The following TBC1D2B variants were observed in gnomAD, a reference collection of about 807,000 sequenced individuals.
TBC1D2B encodes TBC1 domain family member 2B.
Under a neutral mutation model 100.8 loss-of-function variants are expected in TBC1D2B, and 64 were observed. The ratio of observed to expected loss-of-function variants is 0.64; its 90% CI spans 0.52 to 0.78. The LOEUF (loss-of-function observed/expected upper bound fraction) is 0.78. Among genes scored for constraint, TBC1D2B ranks in the 30% least tolerant of loss-of-function variants. The pLI, the probability that TBC1D2B is intolerant of heterozygous loss-of-function variation, is 0.00. For missense variants in TBC1D2B, 1,052 were observed against 1,218.4 expected, an observed-to-expected ratio of 0.86 and a Z score of 2.03; for synonymous variants, 480 against 479.7, an observed-to-expected ratio of 1.00 and a Z score of -0.01.
intron 12 of TBC1D2B, among the ~76,000 whole-genome samples, chr15:78,000,387 AC>A (rs1431283742): frequency 6.6e-6 from 1 of 152,238 alleles, no homozygotes; most frequent in African/African-American, 2.4e-5. Flanking sequence ...CGCTCCCAAC[AC>A]AGCCCTAGCT....
chr15:78,077,158 A>T, intron 1 of TBC1D2B, 135 bp downstream of exon 1: 1 of 1,203,616 alleles, frequency 8.3e-7, no homozygotes, highest in Non-Finnish European at 1.1e-6. Context: ...GGATGTGGAG[A>T]AGCAGGGAAA....
chr15:78,031,383 G>A (rs1282452487), intron 3 of TBC1D2B, among the ~76,000 whole-genome samples: 4 of 151,850 alleles, frequency 2.6e-5, no homozygotes, highest in African/African-American at 9.7e-5. Flanking sequence ...GCGAAACTCT[G>A]TCTCTACTAA....
chr15:78,051,478 C>T (rs1220153722), intron 2 of TBC1D2B, among the ~76,000 whole-genome samples: 1 of 152,178 alleles, frequency 6.6e-6, no homozygotes, highest in Admixed American at 6.5e-5. Context: ...GCCCACAGGG[C>T]TTCTTCCACC....
intron 2 of TBC1D2B, among the ~76,000 whole-genome samples, chr15:78,048,411 G>A (rs1403824638): frequency 6.6e-6 from 1 of 152,144 alleles, no homozygotes; most frequent in Non-Finnish European, 1.5e-5. Flanking sequence ...AGGACACTAA[G>A]GGAAAACACA....
chr15:78,012,581 T>C (rs1358795944), intron 9 of TBC1D2B, among the ~76,000 whole-genome samples: 1 of 152,228 alleles, frequency 6.6e-6, no homozygotes, highest in Non-Finnish European at 1.5e-5. Flanking sequence ...AAAATGAGAC[T>C]CCAAGTAGTT....
intron 1 of TBC1D2B, among the ~76,000 whole-genome samples, chr15:78,062,988 A>G (rs1325023376): frequency 6.6e-6 from 1 of 152,156 alleles, no homozygotes; most frequent in African/African-American, 2.4e-5. Flanking sequence ...TGCTGGTAAA[A>G]TTGAAATAAT....
At position 78,016,848 on chromosome 15, in the gene TBC1D2B, G is replaced by A. The variant is rs1409328908; in HGVS notation, c.1582-109C>T. 10 of 826,152 alleles carry A rather than the reference G, an allele frequency of 1.2e-5. No individual in the cohort carries two copies. In the East Asian group the frequency reaches 2.4e-4, roughly 20 times the overall value. The allele number at this position is 826,152 out of a possible 1,614,324, so 51.2% of individuals were successfully genotyped here. A position where few individuals can be genotyped will look rare whatever the true frequency, so the allele number is the denominator to read the frequency against. ...CAAACCCAAAACTATTAGGAAGTGA[G>A]CCAGAGACAGACTGTAGCAAAGACA... is the stretch of plus-strand genomic sequence containing the variant. On this transcript the variant is annotated intron_variant, in intron 7 of 12. Transcript: ENST00000300584.
chr15:78,022,312 T>C (rs1253811108), intron 6 of TBC1D2B, among the ~76,000 whole-genome samples: 7 of 152,160 alleles, frequency 4.6e-5, no homozygotes, highest in East Asian at 1.9e-4. Context: ...TGAGCTGAGA[T>C]TGCACTACTG....
Position 78,012,909 on chromosome 15 carries a change from G to C in TBC1D2B, c.2184C>G (p.Thr728=). The C allele has an allele frequency of 6.5e-7, 1 of 1,535,132 alleles. No homozygotes were observed. Among genetic ancestry groups the C allele is most frequent in the Non-Finnish European group, 8.8e-7 (1 of 1,141,280 alleles). ...LPNNKHYSCP[T]SEGIQKLRNV... ...TGCGTAACTTCTGTATGCCTTCTGA[G>C]GTGGGGCAGGAGTAATGTTTGTTGT... Residue 728 remains threonine, a synonymous_variant, in exon 9 of 13, where the codon ACC becomes ACG. Coordinates refer to ENST00000300584, the MANE Select transcript of TBC1D2B (RefSeq NM_144572.2).
Position 77,998,332 on chromosome 15 carries a change from C to G in TBC1D2B, c.2720G>C (p.Gly907Ala). Residue 907 changes from glycine (G) to alanine (A), a missense_variant, in exon 13 of 13, where the codon GGG (glycine) becomes GCG (alanine). Transcript: ENST00000300584. ...DARKLISISF[G>A]DLNPFPLRQI... ...GCGTAGGGGGAAAGGGTTCAGGTCC[C>G]CAAAGGAGATACTGATCAGCTTCCT... is the stretch of plus-strand genomic sequence containing the variant. The G allele has an allele frequency of 2.5e-6, 4 of 1,593,150 alleles. No homozygotes were observed. Among genetic ancestry groups the G allele is most frequent in the Non-Finnish European group, 3.4e-6 (4 of 1,170,470 alleles).
intron 1 of TBC1D2B, among the ~76,000 whole-genome samples, chr15:78,068,377 CCACACCCA>C (rs1458372879): frequency 1.0e-5 from 1 of 99,942 alleles, no homozygotes; most frequent in East Asian, 2.4e-4. Context: ...AGCACACACA[CCACACCCA>C]CACACACACA....
At chr15:78,045,182 A>T in intron 2 of TBC1D2B, 114 bp from the exon 3 acceptor site, 1 of 911,332 alleles carries the variant, frequency 1.1e-6, no homozygotes, top group Non-Finnish European at 1.6e-6. Context: ...ATGTAATAGT[A>T]TATTTTTAAT....
At chr15:78,001,344 A>G (rs1407943513) in intron 12 of TBC1D2B, among the ~76,000 whole-genome samples, 1 of 152,248 alleles carries the variant, frequency 6.6e-6, no homozygotes, top group Non-Finnish European at 1.5e-5. Flanking sequence ...GCAGGTACTC[A>G]GTAAATGCTT....
At chr15:78,062,709 T>C (rs1194163027) in intron 1 of TBC1D2B, among the ~76,000 whole-genome samples, 2 of 152,216 alleles carry the variant, frequency 1.3e-5, no homozygotes, top group African/African-American at 4.8e-5. Context: ...ATTTTCTTTA[T>C]AAAACTGTAT....
intron 8 of TBC1D2B, among the ~76,000 whole-genome samples, chr15:78,015,445 G>C (rs933070543): frequency 6.6e-6 from 1 of 152,112 alleles, no homozygotes; most frequent in Non-Finnish European, 1.5e-5. Flanking sequence ...TATAAAATTT[G>C]AACACACAAT....
intron 9 of TBC1D2B, 55 bp from the exon 10 acceptor site, chr15:78,009,169 A>G (rs1452148346): frequency 7.9e-7 from 1 of 1,271,964 alleles, no homozygotes; most frequent in Non-Finnish European, 1.1e-6. Flanking sequence ...CTGCTACTAC[A>G]GTCTCCACAG....
At chr15:78,074,340 A>G (rs1430401136) in intron 1 of TBC1D2B, among the ~76,000 whole-genome samples, 1 of 152,170 alleles carries the variant, frequency 6.6e-6, no homozygotes, top group Non-Finnish European at 1.5e-5. Flanking sequence ...CCCTTCTTCC[A>G]GAAAGCCTTG....
chr15:78,023,149 G>A (rs759240012), intron 6 of TBC1D2B, among the ~76,000 whole-genome samples: 1 of 152,152 alleles, frequency 6.6e-6, no homozygotes, highest in Non-Finnish European at 1.5e-5. Context: ...GTAACAACCT[G>A]GACAGCAGCA....
intron 1 of TBC1D2B, among the ~76,000 whole-genome samples, chr15:78,077,058 T>TC (rs1398758785): frequency 2.6e-5 from 4 of 151,956 alleles, no homozygotes; most frequent in Admixed American, 2.6e-4. Flanking sequence ...AGATAATGGG[T>TC]CAAGGTGTCT....
Sources: allele counts gnomAD v4.1 joint callset (sites outside exome capture counted in the v4.1 genomes callset), GRCh38; gene constraint gnomAD v4.1.1; transcripts MANE v1.5; gene names NCBI Gene and HGNC (gene_info 2026-07-23, HGNC 2026-07-21).